The following METTL6 variants were observed in gnomAD, a reference collection of about 807,000 sequenced individuals.
METTL6 encodes methyltransferase 6, tRNA N3-cytidine, also known as tRNA N(3)-cytidine methyltransferase METTL6.
A neutral mutation model predicts 26.4 loss-of-function variants in METTL6; 22 were observed. The ratio of observed to expected loss-of-function variants is 0.83; its 90% CI spans 0.59 to 1.19. The LOEUF (loss-of-function observed/expected upper bound fraction) is 1.19, where lower values mean the gene tolerates loss of function less well. METTL6 is among the 50% of genes most tolerant of loss of function. The pLI is 0.00. For missense variants in METTL6, 304 were observed against 324.8 expected, an observed-to-expected ratio of 0.94 and a Z score of 0.49; for synonymous variants, 109 against 116.2, an observed-to-expected ratio of 0.94 and a Z score of 0.40.
At chr3:15,393,123 C>A (rs1260115869) in intron 6 of METTL6, among the ~76,000 whole-genome samples, 1 of 152,250 alleles carries the variant, frequency 6.6e-6, no homozygotes, top group East Asian at 1.9e-4. Flanking sequence ...TTCTTCCTAC[C>A]CATGAACATG....
chr3:15,422,401 G>C (rs145698982), intron 3 of METTL6, among the ~76,000 whole-genome samples: 7,979 of 152,246 alleles, frequency 0.052, 242 homozygotes, highest in East Asian at 0.078. Context: ...GGCCAAGGCA[G>C]GCAGATCACT....
chr3:15,407,385 A>G (rs1699832452), downstream of METTL6, among the ~76,000 whole-genome samples: 1 of 152,184 alleles, frequency 6.6e-6, no homozygotes, highest in Non-Finnish European at 1.5e-5. Context: ...AATTTGGGGC[A>G]TAATTACTCC....
At chr3:15,412,276 C>T (rs545652741) in intron 5 of METTL6, among the ~76,000 whole-genome samples, 1 of 152,304 alleles carries the variant, frequency 6.6e-6, no homozygotes, top group Non-Finnish European at 1.5e-5. Flanking sequence ...CCAAATAATA[C>T]ATCACTACAC....
At chr3:15,394,721 G>T (rs1245768803) in intron 6 of METTL6, among the ~76,000 whole-genome samples, 4 of 152,232 alleles carry the variant, frequency 2.6e-5, no homozygotes, top group Non-Finnish European at 5.9e-5. Flanking sequence ...TGGTTTCAAA[G>T]AACATCTTTA....
At chr3:15,399,395 C>T (rs554851344) in intron 6 of METTL6, 1 of 152,054 alleles carries the variant, frequency 6.6e-6, no homozygotes, top group Non-Finnish European at 1.5e-5. Context: ...TACCTGAATT[C>T]TTTCTTACTC....
At chr3:15,399,300 C>T (rs1458065177) in intron 6 of METTL6, 1 of 152,008 alleles carries the variant, frequency 6.6e-6, no homozygotes, top group African/African-American at 2.4e-5. Flanking sequence ...ACTAGCAGCC[C>T]TCAGGGCCAC....
At chr3:15,394,613 C>T (rs1416956951) in intron 6 of METTL6, among the ~76,000 whole-genome samples, 1 of 152,130 alleles carries the variant, frequency 6.6e-6, no homozygotes, top group East Asian at 1.9e-4. Flanking sequence ...TAGATCTTTC[C>T]TGCTTTCTCT....
downstream of METTL6, among the ~76,000 whole-genome samples, chr3:15,406,625 TATATAGAG>T (rs1362503696): frequency 5.0e-4 from 18 of 36,330 alleles, no homozygotes; most frequent in Non-Finnish European, 7.0e-4. Context: ...TATATATATA[TATATAGAG>T]AGAGAGAGAG....
intron 6 of METTL6, among the ~76,000 whole-genome samples, chr3:15,395,607 C>A (rs972024275): frequency 1.3e-5 from 2 of 152,004 alleles, no homozygotes; most frequent in Admixed American, 1.3e-4. Flanking sequence ...ATGGTCTTTA[C>A]AATTTGGCAT....
At chr3:15,426,907 A>G (rs988596617) in intron 1 of METTL6, among the ~76,000 whole-genome samples, 2 of 152,256 alleles carry the variant, frequency 1.3e-5, no homozygotes, top group Non-Finnish European at 2.9e-5. Flanking sequence ...GGACGCTCTC[A>G]AGAACTGACT....
chr3:15,411,543 A>G, intron 5 of METTL6, 106 bp from the exon 6 acceptor site: 1 of 1,104,724 alleles, frequency 9.1e-7, no homozygotes, highest in African/African-American at 1.6e-5. Flanking sequence ...TATTTTTTTA[A>G]ATGAAAACCT....
chr3:15,406,654 A>AGG (rs1200050428), downstream of METTL6, among the ~76,000 whole-genome samples: 6 of 143,816 alleles, frequency 4.2e-5, no homozygotes, highest in African/African-American at 1.5e-4. Flanking sequence ...AGAGAGAGAG[A>AGG]GAGAGAGAGA....
At chr3:15,413,724 C>A in intron 5 of METTL6, 1 of 1,321,218 alleles carries the variant, frequency 7.6e-7, no homozygotes, top group East Asian at 4.0e-5. Flanking sequence ...GACTTGCCCT[C>A]CCTCTTATTC....
In METTL6 at chr3:15,426,577, C is replaced by T. The variant is rs768933602; in HGVS notation, c.-66G>A. ...TCCATCACCAAATAATATGAATCCA[C>T]GCTAATGGATCAGATACATTTCCTG... On this transcript the variant is annotated 5_prime_UTR_variant, in exon 2 of 6. The change creates a new upstream start codon in the 5' untranslated region. Coordinates refer to ENST00000383790, the MANE Select transcript of METTL6 (RefSeq NM_152396.4). 1.1e-5 allele frequency: 15 copies of T among 1,394,294 alleles called. No homozygotes were observed. The highest frequency in any genetic ancestry group is 1.0e-4 in the African/African-American group (7 of 70,054). The allele number at this position is 1,394,294 out of a possible 1,614,324, so 86.4% of individuals were successfully genotyped here.
chr3:15,414,207 C>A, intron 4 of METTL6, 45 bp from the exon 5 acceptor site: 2 of 1,573,946 alleles, frequency 1.3e-6, no homozygotes, highest in South Asian at 2.4e-5. Flanking sequence ...AGAACCCTGT[C>A]AAAATAAAAC....
chr3:15,421,252 T>G lies in METTL6; in HGVS notation c.360+3703A>C, dbSNP rs577436823. 2.6e-5 allele frequency among the ~76,000 whole-genome samples: 4 copies of G among 152,334 alleles called. No individual in the cohort carries two copies. In the East Asian group the frequency reaches 7.7e-4, roughly 29 times the overall value. The stretch of plus-strand genomic sequence containing the variant: ...GTCTTGATGTGACAACATATAATAA[T>G]ATAATTAGTAAATATCCATAATGTG... On this transcript the variant is annotated intron_variant, in intron 3 of 5. Coordinates refer to ENST00000383790, the MANE Select transcript of METTL6 (RefSeq NM_152396.4).
chr3:15,403,458 A>T (rs1161531002), intron 6 of METTL6, among the ~76,000 whole-genome samples: 1 of 152,200 alleles, frequency 6.6e-6, no homozygotes, highest in African/African-American at 2.4e-5. Context: ...GCCATGCCCC[A>T]GACCAGAGAA....
At chr3:15,388,089 TTTGTTGTTGTTGTTGTTG>T (rs71632851) in intron 6 of METTL6, among the ~76,000 whole-genome samples, 1 of 150,384 alleles carries the variant, frequency 6.6e-6, no homozygotes, top group African/African-American at 2.4e-5. Flanking sequence ...AAATAAGAGT[TTTGTTGTTGTTGTTGTTG>T]TTGTTGTTGT....
At chr3:15,393,407 G>C (rs1281514937) in intron 6 of METTL6, among the ~76,000 whole-genome samples, 2 of 152,180 alleles carry the variant, frequency 1.3e-5, no homozygotes, top group African/African-American at 4.8e-5. Flanking sequence ...CTGAGATGAT[G>C]GGGTTTTCTA....
Sources: allele counts gnomAD v4.1 joint callset (sites outside exome capture counted in the v4.1 genomes callset), GRCh38; gene constraint gnomAD v4.1.1; transcripts MANE v1.5; gene names NCBI Gene and HGNC (gene_info 2026-07-23, HGNC 2026-07-21).